CABP2: variants seen among roughly 807,000 people sequenced by gnomAD.
CABP2 encodes the protein calcium binding protein 2.
CABP2 carries 25 observed loss-of-function variants against 28.6 expected under a neutral mutation model. That is an observed-to-expected ratio of 0.87 (90% confidence interval 0.64 to 1.22). The LOEUF (loss-of-function observed/expected upper bound fraction) is 1.22. CABP2 is among the 50% of genes most tolerant of loss of function. The pLI is 0.00. For missense variants in CABP2, 310 were observed against 312.2 expected (o/e 0.99, Z 0.05); for synonymous variants, 138 against 126.0 (o/e 1.09, Z -0.64).
At chr11:67,519,249 G>T in intron 6 of CABP2, 85 bp from the exon 7 acceptor site, 1 of 1,391,500 alleles carries the variant, frequency 7.2e-7, no homozygotes, top group Non-Finnish European at 1.0e-6. Context: ...GGGCGGGTGG[G>T]AGTGTGGTTG....
intron 6 of CABP2, 75 bp from the exon 7 acceptor site, chr11:67,519,239 G>A (rs1866706205): frequency 2.6e-6 from 4 of 1,521,672 alleles, no homozygotes; most frequent in African/African-American, 1.4e-5. Flanking sequence ...GCAGGCCTTG[G>A]GGCGGGTGGG....
chr11:67,521,287 C>T, intron 3 of CABP2, 128 bp from the exon 4 acceptor site: 6 of 921,680 alleles, frequency 6.5e-6, no homozygotes, highest in South Asian at 1.7e-5. Context: ...TGCCTCGGGG[C>T]CTTTGCACGT....
intron 2 of CABP2, among the ~76,000 whole-genome samples, 175 bp downstream of exon 2, chr11:67,522,371 C>A (rs2306146): frequency 6.6e-6 from 1 of 152,162 alleles, no homozygotes; most frequent in Non-Finnish European, 1.5e-5. Flanking sequence ...GCACCCCCAC[C>A]CCAGATCTGT....
Position 67,523,432 on chromosome 11 carries a change from G to A in CABP2, c.-106C>T, listed in dbSNP as rs1243585989. On this transcript the variant is annotated 5_prime_UTR_variant, in exon 1 of 7. Transcript: ENST00000294288. ...GCCAGCCCCCAGCTGCTCCCGATGA[G>A]AGCCTGGGAGTACTGCCGGGGATTT... The A allele has an allele frequency of 2.2e-6, 3 of 1,351,088 alleles. No individual in the cohort carries two copies. Among genetic ancestry groups the A allele is most frequent in the South Asian group, 3.3e-5 (2 of 59,706 alleles). 83.7% of individuals were successfully genotyped at this position (1,351,088 alleles called of 1,614,324 possible).
intron 1 of CABP2, 129 bp downstream of exon 1, chr11:67,523,156 A>T: frequency 1.4e-6 from 1 of 719,516 alleles, no homozygotes; most frequent in Non-Finnish European, 2.3e-6. Flanking sequence ...TTCCAGGAAA[A>T]AAATCTCCAC....
chr11:67,523,152 G>C, intron 1 of CABP2, 133 bp downstream of exon 1: 1 of 697,622 alleles, frequency 1.4e-6, no homozygotes, highest in Non-Finnish European at 2.4e-6. Context: ...TGGCTTCCAG[G>C]AAAAAAATCT....
Position 67,519,874 on chromosome 11 carries a change from C to G in CABP2, c.556G>C (p.Gly186Arg). 1 of 1,613,678 alleles carries G rather than the reference C, an allele frequency of 6.2e-7. No homozygotes were observed. Among genetic ancestry groups the G allele is most frequent in the Non-Finnish European group, 8.5e-7 (1 of 1,179,986 alleles). ...ELRAALKALLGERLSQREVDE... is the reference protein window; with the variant it reads ...ELRAALKALLRERLSQREVDE... ...ACCTCCCGCTGGCTGAGGCGCTCCC[C>G]CAGCAGGGCCTTGAGGGCCGCCCGG... The change falls in exon 6 of 7, where the codon GGG (glycine) becomes CGG (arginine). Residue 186 changes from glycine (G) to arginine (R), a missense_variant. By Grantham distance (125) the Gly-to-Arg change is moderately radical. Transcript: ENST00000294288.
At chr11:67,521,859 C>T (rs1290560385) in intron 3 of CABP2, 93 bp downstream of exon 3, 3 of 778,638 alleles carry the variant, frequency 3.9e-6, no homozygotes, top group South Asian at 3.1e-5. Flanking sequence ...ACACTGAGGC[C>T]CCCACCCGAT....
rs375920110 is a variant in CABP2, at chr11:67,522,443, G to A, written c.213+103C>T. ...CCCCTAGCTCCAGGAGAGGCAAAGC[G>A]AGGGGCAAGGGTAGGTGGGCTGGAG... On this transcript the variant is annotated intron_variant, in intron 2 of 6. Transcript: ENST00000294288. The A allele has an allele frequency of 7.5e-5, 93 of 1,247,626 alleles. No individual in the cohort carries two copies. In the African/African-American group the frequency reaches 9.3e-4, roughly 13 times the overall value. The allele number at this position is 1,247,626 out of a possible 1,614,324, so 77.3% of individuals were successfully genotyped here. A position where few individuals can be genotyped will look rare whatever the true frequency, so the allele number is the denominator to read the frequency against.
chr11:67,522,532 G>A lies in CABP2; in HGVS notation c.213+14C>T. Reference sequence around the variant, plus strand: ...CAAGGGCAGGCAGGCTGGCGGGCGGGTGGCCGTACATACGAGTTGGGTGGC... The same window carrying A: ...CAAGGGCAGGCAGGCTGGCGGGCGGATGGCCGTACATACGAGTTGGGTGGC... On this transcript the variant is annotated intron_variant, in intron 2 of 6. Coordinates refer to ENST00000294288, the MANE Select transcript of CABP2 (RefSeq NM_016366.3). The A allele has an allele frequency of 6.4e-7, 1 of 1,553,360 alleles. No individual in the cohort carries two copies. The highest frequency in any genetic ancestry group is 8.7e-7 in the Non-Finnish European group (1 of 1,148,110).
chr11:67,520,035 G>C lies in CABP2; in HGVS notation c.489+16C>G. On this transcript the variant is annotated intron_variant, in intron 5 of 6. Transcript: ENST00000294288. ...AGACACGCAGCCCTGCCCGCCCTCA[G>C]CCCCAGTGGCCGCACCTCCCGGAAG... is the stretch of plus-strand genomic sequence containing the variant. 1 of 1,609,170 alleles carries C rather than the reference G, an allele frequency of 6.2e-7. No individual in the cohort carries two copies. Among genetic ancestry groups the C allele is most frequent in the Non-Finnish European group, 8.5e-7 (1 of 1,178,564 alleles).
In CABP2 at chr11:67,519,933, G is replaced by T; in HGVS notation, c.497C>A (p.Thr166Asn). The part of the protein sequence containing the change: ...ELRDAFREFD[T>N]NGDGRISVGE... ...CACGCTGATGCGGCCGTCCCCATTG[G>T]TGTCGAACTGTGGCGGCGTTGGTTG... The change falls in exon 6 of 7, where the codon ACC becomes AAC. Residue 166 changes from threonine to asparagine, a missense_variant. By Grantham distance (65) the Thr-to-Asn change is moderately conservative. Transcript: ENST00000294288. 6.2e-7 allele frequency: 1 copy of T among 1,606,872 alleles called. No individual in the cohort carries two copies. The highest frequency in any genetic ancestry group is 1.1e-5 in the South Asian group (1 of 90,944).
chr11:67,521,283 G>T, intron 3 of CABP2, 124 bp from the exon 4 acceptor site: 1 of 1,018,052 alleles, frequency 9.8e-7, no homozygotes, highest in Non-Finnish European at 1.4e-6. Flanking sequence ...TTGCTGCCTC[G>T]GGGCCTTTGC....
chr11:67,519,290 T>C, intron 6 of CABP2, 126 bp from the exon 7 acceptor site: 1 of 894,040 alleles, frequency 1.1e-6, no homozygotes, highest in Non-Finnish European at 1.9e-6. Context: ...ATCCTCTGGA[T>C]CTGATAGGGA....
chr11:67,519,835 G>A lies in CABP2; in HGVS notation c.595C>T (p.Gln199Ter). ...LSQREVDEILQDVDLNGDGLV... is the reference protein window; with the variant it reads ...LSQREVDEIL The stretch of plus-strand genomic sequence containing the variant: ...CCGTCCCCATTGAGGTCCACGTCCT[G>A]GAGGATCTCGTCCACCTCCCGCTGG... The change falls in exon 6 of 7, where the codon CAG (glutamine) becomes TAG (stop). Residue 199 changes from glutamine to a stop codon, truncating the protein, a stop_gained. Transcript: ENST00000294288. LOFTEE classifies it high-confidence loss of function. 1.9e-6 allele frequency: 3 copies of A among 1,614,076 alleles called. No homozygotes were observed. Among genetic ancestry groups the A allele is most frequent in the Non-Finnish European group, 2.5e-6 (3 of 1,179,994 alleles).
At chr11:67,521,884 G>A (rs1216116133) in intron 3 of CABP2, 68 bp downstream of exon 3, 2 of 185,524 alleles carry the variant, frequency 1.1e-5, no homozygotes, top group Non-Finnish European at 1.9e-5. Flanking sequence ...CCCCAACCCT[G>A]TGTCCCCACC....
At chr11:67,521,817 T>C in intron 3 of CABP2, 135 bp downstream of exon 3, 1 of 787,298 alleles carries the variant, frequency 1.3e-6, no homozygotes. Context: ...ACTGGTCCCC[T>C]GCAGCCTTCT....
chr11:67,521,227 T>C, intron 3 of CABP2, 68 bp from the exon 4 acceptor site: 2 of 1,522,782 alleles, frequency 1.3e-6, no homozygotes, highest in Non-Finnish European at 1.8e-6. Flanking sequence ...CCGCCTACCC[T>C]TCTCCCTTGG....
chr11:67,519,252 T>G (rs1591077543), intron 6 of CABP2, 88 bp from the exon 7 acceptor site: 2 of 1,387,268 alleles, frequency 1.4e-6, no homozygotes, highest in East Asian at 2.3e-5. Flanking sequence ...CGGGTGGGAG[T>G]GTGGTTGAGG....
Sources: allele counts gnomAD v4.1 joint callset (sites outside exome capture counted in the v4.1 genomes callset), GRCh38; gene constraint gnomAD v4.1.1; transcripts MANE v1.5; gene names NCBI Gene and HGNC (gene_info 2026-07-23, HGNC 2026-07-21).